The following SSUH2 variants were observed in gnomAD, a reference collection of about 807,000 sequenced individuals.
SSUH2 encodes the protein protein SSUH2 homolog.
A neutral mutation model predicts 55.3 loss-of-function variants in SSUH2; 47 were observed. The observed-to-expected ratio is 0.85, with a 90% CI of 0.67 to 1.08. The LOEUF is 1.08. SSUH2 is among the 50% of genes least tolerant of loss of function. SSUH2 has a pLI of 0.00. For synonymous variants in SSUH2, 212 were observed against 191.5 expected (o/e 1.11, Z -0.89); for missense variants, 535 against 490.7 (o/e 1.09, Z -0.85).
intron 3 of SSUH2, chr3:8,677,103 AGC>A (rs1182438652): frequency 1.5e-4 from 22 of 144,576 alleles, no homozygotes; most frequent in Non-Finnish European, 3.2e-4. Flanking sequence ...CCCCCATCGC[AGC>A]GGGGAGAGAT....
intron 4 of SSUH2, among the ~76,000 whole-genome samples, chr3:8,633,402 C>T (rs1559358061): frequency 1.3e-5 from 2 of 151,998 alleles, no homozygotes; most frequent in Admixed American, 6.5e-5. Context: ...TCAGGTGATC[C>T]ACCCACCTCG....
At chr3:8,638,831 T>C (rs374281998) in intron 1 of SSUH2, among the ~76,000 whole-genome samples, 5 of 152,266 alleles carry the variant, frequency 3.3e-5, no homozygotes, top group Admixed American at 6.5e-5. Flanking sequence ...TCCCCTGGGA[T>C]GGCCCCCCAC....
chr3:8,667,726 A>G (rs867304504), intron 5 of SSUH2, among the ~76,000 whole-genome samples: 2 of 152,226 alleles, frequency 1.3e-5, no homozygotes, highest in South Asian at 2.1e-4. Flanking sequence ...TCCTGGGGCT[A>G]AAAGTCCCAA....
intron 1 of SSUH2, among the ~76,000 whole-genome samples, chr3:8,641,312 T>A (rs957799450): frequency 6.6e-6 from 1 of 152,196 alleles, no homozygotes; most frequent in African/African-American, 2.4e-5. Context: ...TTCATCCTCA[T>A]TTTCCCAGCA....
upstream of SSUH2, among the ~76,000 whole-genome samples, chr3:8,648,956 G>A (rs940911690): frequency 6.6e-6 from 1 of 151,958 alleles, no homozygotes; most frequent in Non-Finnish European, 1.5e-5. Flanking sequence ...GTCCCCTCAG[G>A]ATGAGAACCT....
chr3:8,639,498 C>T (rs1424896285), intron 1 of SSUH2, among the ~76,000 whole-genome samples: 5 of 152,218 alleles, frequency 3.3e-5, no homozygotes, highest in African/African-American at 1.2e-4. Flanking sequence ...GCTGAACACC[C>T]TATGGCTCCA....
At position 8,630,860 on chromosome 3, in the gene SSUH2, G is replaced by A. The variant is rs374997266; in HGVS notation, c.470C>T (p.Pro157Leu). The change falls in exon 6 of 12, where the codon CCG (proline) becomes CTG (leucine). Residue 157 changes from proline (P) to leucine (L), a missense_variant. Pro to Leu is a moderately conservative substitution (Grantham distance 98, BLOSUM62 -3). Transcript: ENST00000544814. ...RLWDIKVQGP[P>L]MFQEDTRKFQ... is the part of the protein sequence containing the mutation. ...CTTCCTGGTGTCTTCCTGAAACATC[G>A]GAGGACCTTGAACCTTGATGTCCCA... The A allele has an allele frequency of 3.3e-6, 5 of 1,508,444 alleles. No homozygotes were observed. Among genetic ancestry groups the A allele is most frequent in the East Asian group, 2.6e-5 (1 of 38,210 alleles). The allele number at this position is 1,508,444 out of a possible 1,614,324, so 93.4% of individuals were successfully genotyped here.
chr3:8,627,569 C>T (rs1286287425), intron 8 of SSUH2, 129 bp downstream of exon 8: 1 of 636,926 alleles, frequency 1.6e-6, no homozygotes, highest in Non-Finnish European at 2.5e-6. Context: ...AGAGCACCTA[C>T]TACGTGCAGA....
rs1263801778 is a variant in SSUH2 at position 8,634,407 on chromosome 3, T to C, written c.210-612A>G. On this transcript the variant is annotated intron_variant, in intron 3 of 11. Coordinates refer to ENST00000544814, the MANE Select transcript of SSUH2 (RefSeq NM_001256748.3). Reference sequence around the variant, plus strand: ...CATGCCACCCCCTTACTGAAGTCTTTCTGGCCCCAACACCTCCAAGAGGAA... The same window carrying C: ...CATGCCACCCCCTTACTGAAGTCTTCCTGGCCCCAACACCTCCAAGAGGAA... 3.9e-6 allele frequency: 5 copies of C among 1,290,956 alleles called. No individual in the cohort carries two copies. The South Asian group carries it at 6.2e-5, about 16-fold the overall frequency. The allele number at this position is 1,290,956 out of a possible 1,614,324, so 80.0% of individuals were successfully genotyped here. A position where few individuals can be genotyped will look rare whatever the true frequency, so the allele number is the denominator to read the frequency against.
At chr3:8,648,398 G>A (rs988883634), upstream of SSUH2, among the ~76,000 whole-genome samples, 2 of 152,202 alleles carry the variant, frequency 1.3e-5, no homozygotes, top group Non-Finnish European at 2.9e-5. Flanking sequence ...GCCCGTGTAA[G>A]TCTGGCTACC....
At chr3:8,651,721 C>G (rs920147373) in intron 7 of SSUH2, among the ~76,000 whole-genome samples, 1 of 152,138 alleles carries the variant, frequency 6.6e-6, no homozygotes, top group Non-Finnish European at 1.5e-5. Flanking sequence ...TTTCCTCCAT[C>G]CCCTGATGTT....
intron 5 of SSUH2, chr3:8,663,852 C>A: frequency 2.2e-6 from 1 of 456,672 alleles, no homozygotes; most frequent in South Asian, 1.5e-5. Context: ...AGTAATGATG[C>A]GTGTCCCAAG....
At chr3:8,672,286 G>A (rs563042175) in intron 3 of SSUH2, among the ~76,000 whole-genome samples, 2 of 152,040 alleles carry the variant, frequency 1.3e-5, no homozygotes, top group African/African-American at 2.4e-5. Context: ...CCATATCACA[G>A]GGGGGCTGTA....
intron 7 of SSUH2, among the ~76,000 whole-genome samples, chr3:8,652,718 C>A (rs1166559250): frequency 6.6e-6 from 1 of 152,200 alleles, no homozygotes; most frequent in East Asian, 1.9e-4. Context: ...CAGTTTCCCC[C>A]ATTTGAAACA....
Position 8,631,992 on chromosome 3 carries a change from C to T in SSUH2, c.400+57G>A. ...GCCTGAGCCAAGTCCTGATATTTTC[C>T]ACCAGCACCCTGACTTATTTGCCCC... On this transcript the variant is annotated intron_variant, in intron 5 of 11. Transcript: ENST00000544814. 4 of 1,419,298 alleles carry T rather than the reference C, an allele frequency of 2.8e-6. No homozygotes were observed. The South Asian group carries it at 3.4e-5, about 12-fold the overall frequency. The allele number at this position is 1,419,298 out of a possible 1,614,324, so 87.9% of individuals were successfully genotyped here. A position where few individuals can be genotyped will look rare whatever the true frequency, so the allele number is the denominator to read the frequency against.
chr3:8,642,491 A>C (rs164955), intron 1 of SSUH2, among the ~76,000 whole-genome samples: 147,521 of 152,320 alleles, frequency 0.97, 71,471 homozygotes, highest in East Asian at 1. Flanking sequence ...ATAGAACCAG[A>C]CCATCACTGG....
chr3:8,678,869 GCTCTTAGGATCCCCATTGCAA>G, intron 2 of SSUH2, among the ~76,000 whole-genome samples: 1 of 109,700 alleles, frequency 9.1e-6, no homozygotes, highest in African/African-American at 3.3e-5. Context: ...CCCCAGCCTG[GCTCTTAGGATCCCCATTGCAA>G]GGGAGGGAGG....
In SSUH2 at chr3:8,671,039, C is replaced by T. The variant is rs192121872; in HGVS notation, c.-496G>A. ...GTAGTAACATCTCTTCAGGACAATA[C>T]GAATAATATCAAAGGGTGCACACGC... On this transcript the variant is annotated 5_prime_UTR_variant, in exon 5 of 19. Transcript: ENST00000317371. The T allele has an allele frequency of 1.8e-4, 71 of 405,634 alleles. No individual in the cohort carries two copies. In the East Asian group the frequency reaches 2.9e-3, roughly 17 times the overall value. 25.1% of individuals were successfully genotyped at this position (405,634 alleles called of 1,614,324 possible). A position where few individuals can be genotyped will look rare whatever the true frequency, so the allele number is the denominator to read the frequency against.
At chr3:8,656,016 AAGTTTCT>A (rs1300171960) in intron 7 of SSUH2, among the ~76,000 whole-genome samples, 15 of 152,182 alleles carry the variant, frequency 9.9e-5, no homozygotes, top group African/African-American at 3.1e-4. Flanking sequence ...TATGAAAACA[AAGTTTCT>A]AGTTGTTGGG....
Sources: allele counts gnomAD v4.1 joint callset (sites outside exome capture counted in the v4.1 genomes callset), GRCh38; gene constraint gnomAD v4.1.1; transcripts MANE v1.5; gene names NCBI Gene and HGNC (gene_info 2026-07-23, HGNC 2026-07-21).